The following AREL1 variants were observed in gnomAD, a reference collection of about 807,000 sequenced individuals.
AREL1 encodes the protein apoptosis resistant E3 ubiquitin protein ligase 1.
AREL1 carries 62 observed loss-of-function variants against 99.0 expected under a neutral mutation model. The ratio of observed to expected loss-of-function variants is 0.63; its 90% CI spans 0.51 to 0.77. The LOEUF is 0.77. Among genes scored for constraint, AREL1 ranks in the 30% least tolerant of loss-of-function variants. AREL1 has a pLI of 0.00. For synonymous variants in AREL1, 380 were observed against 376.5 expected (o/e 1.01, Z -0.11); for missense variants, 879 against 1,027.6 (o/e 0.86, Z 1.98).
At chr14:74,701,629 A>G (rs749096493) in intron 1 of AREL1, 3 of 152,182 alleles carry the variant, frequency 2.0e-5, no homozygotes, top group African/African-American at 4.8e-5. Flanking sequence ...GCCAAACCAT[A>G]TCATTCCACC....
At chr14:74,669,093 CA>C (rs1041178925) in intron 15 of AREL1, among the ~76,000 whole-genome samples, 1 of 152,146 alleles carries the variant, frequency 6.6e-6, no homozygotes, top group Admixed American at 6.6e-5. Flanking sequence ...AGGGTCTTGC[CA>C]AAGTTGCCCA....
chr14:74,674,169 G>T, intron 8 of AREL1, 58 bp from the exon 9 acceptor site: 2 of 1,384,932 alleles, frequency 1.4e-6, no homozygotes, highest in South Asian at 2.4e-5. Flanking sequence ...CTCTATTTGG[G>T]TATTCTAATT....
intron 6 of AREL1, 70 bp from the exon 7 acceptor site, chr14:74,676,391 C>T: frequency 6.5e-7 from 1 of 1,536,412 alleles, no homozygotes; most frequent in African/African-American, 1.4e-5. Flanking sequence ...TTACTCCTTA[C>T]AAAGAGCTTT....
rs1352383153 is a variant in AREL1 at position 74,676,627 on chromosome 14, T to G, written c.607A>C (p.Met203Leu). The change falls in exon 6 of 20, where the codon ATG (methionine) becomes CTG (leucine). Residue 203 changes from methionine to leucine, a missense_variant. By Grantham distance (15) the Met-to-Leu change is conservative. Transcript: ENST00000356357. ...TAATTGTGCTCATCTCTCAAGGACA[T>G]GGAATTGTTGGTGGGATTATCATAC... is the stretch of plus-strand genomic sequence containing the variant. ...DEYDNPTNNS[M>L]SLRDEHNYTL... is the part of the protein sequence containing the mutation. 3.1e-6 allele frequency: 5 copies of G among 1,613,996 alleles called. No individual in the cohort carries two copies. Among genetic ancestry groups the G allele is most frequent in the Non-Finnish European group, 4.2e-6 (5 of 1,179,974 alleles).
rs570820392 is a variant in AREL1 at position 74,688,784 on chromosome 14, C to T, written c.-45-3124G>A. Among the ~76,000 whole-genome samples, 5 of 152,160 alleles carry T rather than the reference C, an allele frequency of 3.3e-5. No homozygotes were observed. The South Asian group carries it at 1.0e-3, about 32-fold the overall frequency. ...ATTTGCCTTCGTTCTACAAATTCCC[C>T]CTTTCTGGTTCCTCCTGAATTCTCT... On this transcript the variant is annotated intron_variant, in intron 2 of 19. Transcript: ENST00000356357.
intron 17 of AREL1, among the ~76,000 whole-genome samples, chr14:74,666,796 T>A (rs1018996746): frequency 1.3e-5 from 2 of 151,446 alleles, no homozygotes; most frequent in South Asian, 4.2e-4. Flanking sequence ...CTCGGATCAC[T>A]GCAACTTCCG....
In AREL1 at chr14:74,692,277, G is replaced by C; in HGVS notation, c.-282C>G. On this transcript the variant is annotated 5_prime_UTR_variant, in exon 2 of 20. Coordinates refer to ENST00000356357, the MANE Select transcript of AREL1 (RefSeq NM_001039479.2). ...ACAGCCCAAGAATATATCATTCCTG[G>C]ACTTCTCTCTAGTGCAGGGTGCAAT... 2 of 456,532 alleles carry C rather than the reference G, an allele frequency of 4.4e-6. No homozygotes were observed. The highest frequency in any genetic ancestry group is 3.1e-5 in the South Asian group (2 of 64,524). The allele number at this position is 456,532 out of a possible 1,614,324, so 28.3% of individuals were successfully genotyped here.
chr14:74,677,575 C>T (rs568244577), intron 5 of AREL1, among the ~76,000 whole-genome samples: 2 of 134,068 alleles, frequency 1.5e-5, no homozygotes, highest in African/African-American at 2.9e-5. Context: ...GGCACGATCT[C>T]GGCTCACTGC....
At chr14:74,682,186 C>T (rs937489987) in intron 5 of AREL1, among the ~76,000 whole-genome samples, 2 of 152,124 alleles carry the variant, frequency 1.3e-5, no homozygotes, top group African/African-American at 4.8e-5. Context: ...TTGAGAGCCA[C>T]TTTGTCCAGA....
At chr14:74,690,981 C>T (rs1181127739) in intron 2 of AREL1, 2 of 151,300 alleles carry the variant, frequency 1.3e-5, no homozygotes, top group African/African-American at 4.9e-5. Flanking sequence ...GGTTGCTGAA[C>T]ATCTCACATT....
Position 74,713,023 on chromosome 14 carries a change from C to T in AREL1, c.-424G>A, listed in dbSNP as rs765666716. ...CAGCAGAAGACGGGCTCCCCACTCT[C>T]CCACCAACAGACCCCAGAGTTGGTC... On this transcript the variant is annotated 5_prime_UTR_variant, in exon 1 of 20. Coordinates refer to ENST00000356357, the MANE Select transcript of AREL1 (RefSeq NM_001039479.2). The T allele has an allele frequency of 9.3e-7, 1 of 1,074,240 alleles. No homozygotes were observed. Among genetic ancestry groups the T allele is most frequent in the South Asian group, 1.3e-5 (1 of 77,420 alleles). 66.5% of individuals were successfully genotyped at this position (1,074,240 alleles called of 1,614,324 possible).
intron 1 of AREL1, among the ~76,000 whole-genome samples, chr14:74,698,516 A>G (rs1293235729): frequency 6.6e-6 from 1 of 152,228 alleles, no homozygotes; most frequent in Non-Finnish European, 1.5e-5. Flanking sequence ...AGCATTTGCT[A>G]TATACTGGGC....
At chr14:74,709,973 A>AT (rs1167510995) in intron 1 of AREL1, among the ~76,000 whole-genome samples, 3 of 152,178 alleles carry the variant, frequency 2.0e-5, no homozygotes, top group Non-Finnish European at 4.4e-5. Flanking sequence ...GCCTTGGGTG[A>AT]TTTTTTCTCT....
rs202176590 is a variant in AREL1 at position 74,684,584 on chromosome 14, C to A, written c.113G>T (p.Arg38Leu). The A allele has an allele frequency of 2.6e-5, 42 of 1,613,996 alleles. No individual in the cohort carries two copies. The highest frequency in any genetic ancestry group is 3.1e-5 in the Non-Finnish European group (37 of 1,180,012). The stretch of plus-strand genomic sequence containing the variant: ...AATAGTCCGGTCCCCTCGGCGCTCG[C>A]GGTCCTCATTCTGGAGGAAGCTGAC... ...RVVSFLQNED[R>L]ERRGDRTIYD... Residue 38 changes from arginine to leucine, a missense_variant, in exon 4 of 20, where the codon CGC becomes CTC. Arg to Leu is a moderately radical substitution (Grantham distance 102). Transcript: ENST00000356357.
At chr14:74,680,248 A>C (rs1020599599) in intron 5 of AREL1, among the ~76,000 whole-genome samples, 5 of 152,172 alleles carry the variant, frequency 3.3e-5, no homozygotes, top group Admixed American at 3.3e-4. Flanking sequence ...TGGACAAAAG[A>C]CACGAAGAGA....
rs2089731801 is a variant in AREL1, at chr14:74,685,656, T to C, written c.-41A>G. On this transcript the variant is annotated 5_prime_UTR_variant, in exon 3 of 20. Transcript: ENST00000356357. The stretch of plus-strand genomic sequence containing the variant: ...CCAACAGACAGCCGAGGATCACAGC[T>C]GCAGCTGTTAAAAGAAAACTTGTTT... 6.2e-7 allele frequency: 1 copy of C among 1,613,534 alleles called. No homozygotes were observed. Among genetic ancestry groups the C allele is most frequent in the African/African-American group, 1.3e-5 (1 of 74,898 alleles).
chr14:74,678,381 C>T, intron 5 of AREL1: 1 of 313,988 alleles, frequency 3.2e-6, no homozygotes, highest in Non-Finnish European at 6.2e-6. Flanking sequence ...GCCTGTAGTC[C>T]CAGCTACTCG....
chr14:74,682,779 C>A (rs190852739), intron 5 of AREL1, among the ~76,000 whole-genome samples: 203 of 152,240 alleles, frequency 1.3e-3, no homozygotes, highest in Middle Eastern at 3.4e-3. Flanking sequence ...CCCAGCACCT[C>A]CTCCCTCTCT....
At chr14:74,673,051 C>T in intron 10 of AREL1, 26 bp downstream of exon 10, 1 of 1,614,056 alleles carries the variant, frequency 6.2e-7, no homozygotes, top group Non-Finnish European at 8.5e-7. Flanking sequence ...CACTACCTTC[C>T]CTATAGAATC....
Sources: gnomAD v4.1 joint callset for allele counts (sites outside exome capture counted in the v4.1 genomes callset) on GRCh38, gnomAD v4.1.1 for gene constraint, MANE v1.5 for transcripts, NCBI Gene and HGNC (gene_info 2026-07-23, HGNC 2026-07-21) for gene names.